Variants in AGBL4 observed in about 807,000 individuals in gnomAD.
AGBL4 encodes the protein cytosolic carboxypeptidase 6.
A neutral mutation model predicts 66.4 loss-of-function variants in AGBL4; 58 were observed. That is an observed-to-expected ratio of 0.87 (90% confidence interval 0.71 to 1.09). The LOEUF (loss-of-function observed/expected upper bound fraction) is 1.09, where lower values mean the gene tolerates loss of function less well. AGBL4 is among the 50% of genes least tolerant of loss of function. The pLI is 0.00. For synonymous variants in AGBL4, 234 were observed against 222.9 expected (o/e 1.05, Z -0.44); for missense variants, 579 against 631.0 (o/e 0.92, Z 0.88).
intron 1 of AGBL4, among the ~76,000 whole-genome samples, chr1:49,872,900 A>C (rs1477140226): frequency 6.6e-6 from 1 of 151,992 alleles, no homozygotes; most frequent in East Asian, 1.9e-4. Flanking sequence ...TTCAATTTTT[A>C]TTATTTTCTA....
chr1:49,888,889 C>G (rs938775630), intron 1 of AGBL4, among the ~76,000 whole-genome samples: 11 of 152,220 alleles, frequency 7.2e-5, no homozygotes, highest in African/African-American at 2.6e-4. Context: ...AAAGAACTTA[C>G]TAAGCATGTA....
chr1:48,815,905 G>T (rs1044081335), intron 6 of AGBL4, among the ~76,000 whole-genome samples: 23 of 152,254 alleles, frequency 1.5e-4, no homozygotes, highest in Admixed American at 7.2e-4. Context: ...GTCAGATGTG[G>T]TCTCTCTTTC....
At chr1:49,142,001 G>A (rs930512836) in intron 4 of AGBL4, among the ~76,000 whole-genome samples, 2 of 152,110 alleles carry the variant, frequency 1.3e-5, no homozygotes, top group East Asian at 1.9e-4. Flanking sequence ...GAGGTGGTGG[G>A]GGGGTGGGAG....
intron 1 of AGBL4, among the ~76,000 whole-genome samples, chr1:49,978,999 CA>C (rs1217704129): frequency 1.3e-5 from 2 of 152,022 alleles, no homozygotes; most frequent in African/African-American, 4.8e-5. Context: ...AGATTTGTGA[CA>C]ATTTTTTAAA....
At chr1:49,579,676 T>G (rs1483038070) in intron 3 of AGBL4, among the ~76,000 whole-genome samples, 1 of 152,142 alleles carries the variant, frequency 6.6e-6, no homozygotes, top group Non-Finnish European at 1.5e-5. Flanking sequence ...ATTTTTTGTA[T>G]TTTTAGTAGA....
intron 3 of AGBL4, among the ~76,000 whole-genome samples, chr1:49,350,428 C>T (rs944877797): frequency 3.3e-5 from 5 of 152,032 alleles, no homozygotes; most frequent in African/African-American, 1.2e-4. Context: ...TGGTCTCGAT[C>T]TCCTGACCTC....
intron 1 of AGBL4, among the ~76,000 whole-genome samples, chr1:49,947,383 G>C (rs1047233412): frequency 2.6e-5 from 4 of 151,994 alleles, no homozygotes; most frequent in Non-Finnish European, 4.4e-5. Context: ...TGCAGGGATG[G>C]TTTAACATAC....
At chr1:49,704,505 G>A (rs543052315) in intron 2 of AGBL4, among the ~76,000 whole-genome samples, 1 of 151,866 alleles carries the variant, frequency 6.6e-6, no homozygotes, top group Non-Finnish European at 1.5e-5. Flanking sequence ...ATGTGTAGAA[G>A]AAAATATAAA....
chr1:48,744,126 G>A (rs914279718), intron 6 of AGBL4, among the ~76,000 whole-genome samples: 2 of 152,178 alleles, frequency 1.3e-5, no homozygotes, highest in African/African-American at 2.4e-5. Flanking sequence ...CTGGCAGAGC[G>A]AAGGACCAAT....
chr1:49,405,910 G>A (rs1645186358), intron 3 of AGBL4, among the ~76,000 whole-genome samples: 1 of 152,196 alleles, frequency 6.6e-6, no homozygotes, highest in Non-Finnish European at 1.5e-5. Flanking sequence ...CTGCACATTT[G>A]GAAGAATCCT....
intron 3 of AGBL4, among the ~76,000 whole-genome samples, chr1:49,489,725 G>A (rs1346437793): frequency 6.6e-6 from 1 of 151,752 alleles, no homozygotes; most frequent in African/African-American, 2.4e-5. Flanking sequence ...AAGAGATAAA[G>A]GTCTAATTTT....
At chr1:49,557,543 A>T (rs1044653486) in intron 3 of AGBL4, among the ~76,000 whole-genome samples, 12 of 152,076 alleles carry the variant, frequency 7.9e-5, no homozygotes, top group Non-Finnish European at 1.5e-4. Context: ...GGAAAACTGG[A>T]CCAAACTCAG....
chr1:49,882,731 T>C (rs1647530643), intron 1 of AGBL4, among the ~76,000 whole-genome samples: 1 of 152,226 alleles, frequency 6.6e-6, no homozygotes, highest in Non-Finnish European at 1.5e-5. Flanking sequence ...TTTTTGTACA[T>C]TGATTTTGTA....
chr1:49,226,230 T>C (rs774985223), intron 4 of AGBL4, among the ~76,000 whole-genome samples: 4 of 152,148 alleles, frequency 2.6e-5, no homozygotes, highest in South Asian at 4.1e-4. Context: ...TGAGATCAGA[T>C]GCAAAACAGC....
chr1:49,796,313 G>A (rs1162317077), intron 2 of AGBL4, among the ~76,000 whole-genome samples: 2 of 151,588 alleles, frequency 1.3e-5, no homozygotes, highest in African/African-American at 4.8e-5. Flanking sequence ...CAGATCCTTT[G>A]AAATCATAAT....
At chr1:49,597,137 C>T (rs990107469) in intron 3 of AGBL4, among the ~76,000 whole-genome samples, 2 of 152,202 alleles carry the variant, frequency 1.3e-5, no homozygotes, top group African/African-American at 2.4e-5. Flanking sequence ...TTCAAGTAAA[C>T]ACCAATCTCC....
chr1:49,333,251 G>A (rs1342368099), intron 3 of AGBL4, among the ~76,000 whole-genome samples: 3 of 152,264 alleles, frequency 2.0e-5, no homozygotes, highest in East Asian at 3.9e-4. Flanking sequence ...AGGCCAAGGC[G>A]GGTGGATCAT....
chr1:49,207,468 C>CTCTTTCTTTCTTTTTCTTTCTTTCTTT (rs1648254979), intron 4 of AGBL4, among the ~76,000 whole-genome samples: 2 of 13,678 alleles, frequency 1.5e-4, no homozygotes, highest in Non-Finnish European at 1.6e-3. Context: ...TTCTTTCTTT[C>CTCTTTCTTTCTTTTTCTTTCTTTCTTT]TCTTTCTTTC....
At chr1:48,935,958 G>GGAAAA (rs1655420887) in intron 5 of AGBL4, among the ~76,000 whole-genome samples, 1 of 24,584 alleles carries the variant, frequency 4.1e-5, no homozygotes, top group East Asian at 1.9e-3. Context: ...GACTCTGTCT[G>GGAAAA]AAAAAAAAAA....
Sources: gnomAD v4.1 joint callset for allele counts (sites outside exome capture counted in the v4.1 genomes callset) on GRCh38, gnomAD v4.1.1 for gene constraint, MANE v1.5 for transcripts, NCBI Gene and HGNC (gene_info 2026-07-23, HGNC 2026-07-21) for gene names.